UBE2G1: variants seen among roughly 807,000 people sequenced by gnomAD.
UBE2G1 encodes the protein ubiquitin-conjugating enzyme E2 G1.
UBE2G1 carries 5 observed loss-of-function variants against 22.7 expected under a neutral mutation model. The ratio of observed to expected loss-of-function variants is 0.22; its 90% CI spans 0.12 to 0.46. The LOEUF is 0.46. Among genes scored for constraint, UBE2G1 ranks in the 20% least tolerant of loss-of-function variants. UBE2G1 has a pLI of 0.99. For synonymous variants in UBE2G1, 74 were observed against 67.5 expected, an observed-to-expected ratio of 1.10 and a Z score of -0.47; for missense variants, 88 against 203.9, an observed-to-expected ratio of 0.43 and a Z score of 3.46.
intron 1 of UBE2G1, among the ~76,000 whole-genome samples, chr17:4,327,502 C>T (rs1257831881): frequency 6.6e-6 from 1 of 151,934 alleles, no homozygotes; most frequent in Non-Finnish European, 1.5e-5. Context: ...AAAGAAAATA[C>T]CTTGAGAAGT....
intron 5 of UBE2G1, among the ~76,000 whole-genome samples, chr17:4,280,708 G>A (rs1227939694): frequency 2.0e-5 from 3 of 151,406 alleles, no homozygotes; most frequent in African/African-American, 4.9e-5. Flanking sequence ...TGTGATCTCG[G>A]CTCACCGCAA....
rs1193821885 is a variant in UBE2G1 at position 4,270,569 on chromosome 17, TA to T, written c.*1984del. 8.0e-6 allele frequency: 1 copy of T among 125,744 alleles called. No individual in the cohort carries two copies. The highest frequency in any genetic ancestry group is 1.7e-5 in the Non-Finnish European group (1 of 57,654). 7.8% of individuals were successfully genotyped at this position (125,744 alleles called of 1,614,324 possible). ...TTTCTTAAAAAAAAAAAAAAAAAAG[TA>T]AAAAGGATTGTATTCCAAGTCCCTG... is the stretch of plus-strand genomic sequence containing the variant. On this transcript the variant is annotated 3_prime_UTR_variant, in exon 6 of 6. Transcript: ENST00000396981.
intron 1 of UBE2G1, among the ~76,000 whole-genome samples, chr17:4,361,565 C>G (rs1049343526): frequency 1.3e-5 from 2 of 152,008 alleles, no homozygotes; most frequent in Non-Finnish European, 2.9e-5. Context: ...ATATAAAGTA[C>G]TCAGCACAGT....
intron 1 of UBE2G1, among the ~76,000 whole-genome samples, chr17:4,323,212 G>A (rs1969463881): frequency 6.6e-6 from 1 of 152,126 alleles, no homozygotes; most frequent in South Asian, 2.1e-4. Context: ...AAACGTGTCA[G>A]GCTAACATTG....
intron 1 of UBE2G1, among the ~76,000 whole-genome samples, chr17:4,339,250 A>T (rs1969683734): frequency 6.6e-6 from 1 of 151,762 alleles, no homozygotes; most frequent in Non-Finnish European, 1.5e-5. Flanking sequence ...CATAGCATAG[A>T]GGTTAAGTGC....
chr17:4,306,388 T>C (rs947498317), intron 2 of UBE2G1, among the ~76,000 whole-genome samples: 8 of 151,624 alleles, frequency 5.3e-5, no homozygotes, highest in Non-Finnish European at 2.9e-5. Flanking sequence ...GGTTTCACCA[T>C]GTTGGCCAAG....
At chr17:4,326,217 A>G (rs1020508724) in intron 1 of UBE2G1, among the ~76,000 whole-genome samples, 2 of 152,212 alleles carry the variant, frequency 1.3e-5, no homozygotes, top group Admixed American at 1.3e-4. Context: ...TATCCAGAAT[A>G]CAAAAAGAAC....
chr17:4,274,449 G>A (rs996484684), intron 5 of UBE2G1, among the ~76,000 whole-genome samples: 7 of 151,958 alleles, frequency 4.6e-5, no homozygotes, highest in Non-Finnish European at 8.8e-5. Context: ...TGCCTACCTC[G>A]GCCTCCCAAA....
chr17:4,325,951 T>C (rs1450788326), intron 1 of UBE2G1, among the ~76,000 whole-genome samples: 1 of 152,122 alleles, frequency 6.6e-6, no homozygotes, highest in African/African-American at 2.4e-5. Context: ...CCTTACATGA[T>C]ATGCAAAAAA....
intron 5 of UBE2G1, among the ~76,000 whole-genome samples, chr17:4,276,141 C>A (rs1349130270): frequency 1.3e-5 from 2 of 152,158 alleles, no homozygotes; most frequent in Non-Finnish European, 2.9e-5. Flanking sequence ...TAACCTCTAT[C>A]CTAACCACCT....
intron 2 of UBE2G1, among the ~76,000 whole-genome samples, chr17:4,305,116 C>T (rs1436201633): frequency 6.6e-6 from 1 of 151,952 alleles, no homozygotes; most frequent in Non-Finnish European, 1.5e-5. Flanking sequence ...CCTCACCTGG[C>T]TAAATTTTTT....
chr17:4,337,557 G>A (rs570846797), intron 1 of UBE2G1, among the ~76,000 whole-genome samples: 6 of 151,438 alleles, frequency 4.0e-5, no homozygotes, highest in Non-Finnish European at 8.8e-5. Flanking sequence ...GAAGGCTGAG[G>A]CAGGAGGATC....
At position 4,272,351 on chromosome 17, in the gene UBE2G1, G is replaced by A. The variant is rs968347183; in HGVS notation, c.*203C>T. On this transcript the variant is annotated 3_prime_UTR_variant, in exon 6 of 6. Transcript: ENST00000396981. ...AACAGTTCATTAGAATTCAAAATGC[G>A]TAATCATCTGTAAGTTGGCACTTGT... 6.0e-5 allele frequency: 11 copies of A among 182,624 alleles called. No individual in the cohort carries two copies. In the South Asian group the frequency reaches 1.0e-3, roughly 17 times the overall value. The allele number at this position is 182,624 out of a possible 1,614,324, so 11.3% of individuals were successfully genotyped here.
rs1969234219 is a variant in UBE2G1, at chr17:4,305,120, A to T, written c.149+1901T>A. 2.0e-5 allele frequency among the ~76,000 whole-genome samples: 3 copies of T among 151,464 alleles called. No individual in the cohort carries two copies. In the South Asian group the frequency reaches 6.3e-4, roughly 32 times the overall value. On this transcript the variant is annotated intron_variant, in intron 2 of 5. Transcript: ENST00000396981. ...GGCATATGCCACCTCACCTGGCTAA[A>T]TTTTTTGTATTTTTAGTAGAGACAG...
intron 1 of UBE2G1, among the ~76,000 whole-genome samples, chr17:4,314,133 A>G (rs1398799316): frequency 6.6e-6 from 1 of 152,242 alleles, no homozygotes; most frequent in South Asian, 2.1e-4. Context: ...GAAAAAATGA[A>G]CAGCCCAGTA....
intron 1 of UBE2G1, among the ~76,000 whole-genome samples, chr17:4,330,010 T>A (rs2143775641): frequency 6.6e-6 from 1 of 152,266 alleles, no homozygotes; most frequent in South Asian, 2.1e-4. Context: ...GTGGAAAGAC[T>A]AGCTTAGCTA....
In UBE2G1 at chr17:4,307,462, A is replaced by T. The variant is rs559338189; in HGVS notation, c.47-339T>A. On this transcript the variant is annotated intron_variant, in intron 1 of 5. Transcript: ENST00000396981. ...GATTCTCATTGAGAGGGAGCCCTGGAAATCAAATCATGTTGGCAATTCTTA... is the reference window on the plus strand; with the variant it reads ...GATTCTCATTGAGAGGGAGCCCTGGTAATCAAATCATGTTGGCAATTCTTA... Among the ~76,000 whole-genome samples, 3 of 152,336 alleles carry T rather than the reference A, an allele frequency of 2.0e-5. No homozygotes were observed. The South Asian group carries it at 6.2e-4, about 32-fold the overall frequency.
At chr17:4,345,053 T>C (rs914542079) in intron 1 of UBE2G1, among the ~76,000 whole-genome samples, 1 of 152,108 alleles carries the variant, frequency 6.6e-6, no homozygotes, top group Non-Finnish European at 1.5e-5. Context: ...ATACATTAAT[T>C]CAGAACTAAA....
At chr17:4,279,785 TTATATATATATATATATA>T (rs71144177) in intron 5 of UBE2G1, among the ~76,000 whole-genome samples, 1,647 of 68,874 alleles carry the variant, frequency 0.024, 119 homozygotes, top group African/African-American at 0.055. Context: ...CAAAAAAAAG[TTATATATATATATATATA>T]TATATATATA....
Sources: gnomAD v4.1 joint callset for allele counts (sites outside exome capture counted in the v4.1 genomes callset) on GRCh38, gnomAD v4.1.1 for gene constraint, MANE v1.5 for transcripts, NCBI Gene and HGNC (gene_info 2026-07-23, HGNC 2026-07-21) for gene names.